KCNH2: variants seen among roughly 807,000 people sequenced by gnomAD.
KCNH2 encodes voltage-gated inwardly rectifying potassium channel KCNH2.
Under a neutral mutation model 95.9 loss-of-function variants are expected in KCNH2, and 35 were observed. The ratio of observed to expected loss-of-function variants is 0.37; its 90% confidence interval spans 0.28 to 0.48. The LOEUF (loss-of-function observed/expected upper bound fraction) is 0.48. Among genes scored for constraint, KCNH2 ranks in the 20% least tolerant of loss-of-function variants. The pLI is 0.99. For synonymous variants in KCNH2, 786 were observed against 754.7 expected (o/e 1.04, Z -0.68); for missense variants, 1,274 against 1,702.9 (o/e 0.75, Z 4.43).
chr7:150,952,660 G>C lies in KCNH2; in HGVS notation c.1322C>G (p.Pro441Arg), dbSNP rs778590052. 1.9e-6 allele frequency: 3 copies of C among 1,614,226 alleles called. No homozygotes were observed. In the South Asian group the frequency reaches 3.3e-5, roughly 18 times the overall value. ...FLLKETEEGP[P>R]ATECGYACQP... ...GCAGGCGTAGCCACACTCGGTAGCA[G>C]GCGGGCCTTCTTCCGTCTCCTTCAG... The change falls in exon 6 of 15, where the codon CCT becomes CGT. Residue 441 changes from proline to arginine, a missense_variant. Pro to Arg is a moderately radical substitution (Grantham distance 103, BLOSUM62 -2). Coordinates refer to ENST00000262186, the MANE Select transcript of KCNH2 (RefSeq NM_000238.4). The surrounding 1 kb of genome is among the most constrained non-coding windows in gnomAD (Gnocchi z 7.3).
intron 2 of KCNH2, among the ~76,000 whole-genome samples, chr7:150,966,663 AT>A (rs1801715168): frequency 1.3e-5 from 2 of 152,112 alleles, no homozygotes; most frequent in South Asian, 4.1e-4. Context: ...AATATAAAGC[AT>A]TTTTCTACAC....
chr7:150,950,144 C>CCGGGGGGGGGGGGGGGGGGG, intron 9 of KCNH2, 24 bp downstream of exon 9: 1 of 1,589,014 alleles, frequency 6.3e-7, no homozygotes, highest in Non-Finnish European at 8.6e-7. Flanking sequence ...ATTTCCAGTC[C>CCGGGGGGGGGGGGGGGGGGG]AGTGCCCGCC....
rs1563161674 is a variant in KCNH2 at position 150,952,874 on chromosome 7, G to A, written c.1129-21C>T. Reference sequence around the variant, plus strand: ...AGGACCTGCACCCGGGGAAGGCGGAGGTGTGGGTGAGGCAGGCCATGGGAC... The same window carrying A: ...AGGACCTGCACCCGGGGAAGGCGGAAGTGTGGGTGAGGCAGGCCATGGGAC... On this transcript the variant is annotated intron_variant, in intron 5 of 14. Coordinates refer to ENST00000262186, the MANE Select transcript of KCNH2 (RefSeq NM_000238.4). The surrounding 1 kb of genome is among the most constrained non-coding windows in gnomAD (Gnocchi z 7.3). The A allele has an allele frequency of 1.2e-6, 2 of 1,610,178 alleles. No individual in the cohort carries two copies. Among genetic ancestry groups the A allele is most frequent in the African/African-American group, 1.3e-5 (1 of 74,880 alleles).
rs530915736 is a variant in KCNH2, at chr7:150,969,334, A to G, written c.307+5377T>C. Among the ~76,000 whole-genome samples, 3 of 152,278 alleles carry G rather than the reference A, an allele frequency of 2.0e-5. No homozygotes were observed. In the South Asian group the frequency reaches 6.2e-4, roughly 32 times the overall value. ...ATGGTTCCCCAGTTTGCAAACTACA[A>G]AGTGCAGTCACAACAATAGAAGTGC... On this transcript the variant is annotated intron_variant, in intron 2 of 14. Coordinates refer to ENST00000262186, the MANE Select transcript of KCNH2 (RefSeq NM_000238.4).
chr7:150,972,783 T>C (rs1317144001), intron 2 of KCNH2, among the ~76,000 whole-genome samples: 2 of 152,208 alleles, frequency 1.3e-5, no homozygotes, highest in Non-Finnish European at 2.9e-5. Flanking sequence ...GCAAGTCGAA[T>C]GGGTTGGATT....
rs1269052351 is a variant in KCNH2 at position 150,961,074 on chromosome 7, C to A, written c.308-1338G>T. 6.6e-6 allele frequency among the ~76,000 whole-genome samples: 1 copy of A among 152,224 alleles called. No individual in the cohort carries two copies. The highest frequency in any genetic ancestry group is 6.5e-5 in the Admixed American group (1 of 15,288). ...ATCTCCCACTCTCCCTAGGGAGCCT[C>A]TTCCTTCCTCTCAGCTCCCCCTCTG... On this transcript the variant is annotated intron_variant, in intron 2 of 14. Coordinates refer to ENST00000262186, the MANE Select transcript of KCNH2 (RefSeq NM_000238.4). The surrounding 1 kb of genome is among the most constrained non-coding windows in gnomAD (Gnocchi z 6.2).
intron 2 of KCNH2, among the ~76,000 whole-genome samples, chr7:150,960,716 T>G (rs747861724): frequency 6.6e-6 from 1 of 152,196 alleles, no homozygotes; most frequent in Non-Finnish European, 1.5e-5. Flanking sequence ...TCACCTCGCC[T>G]CGCGTTCCCC....
intron 9 of KCNH2, chr7:150,949,408 ATTTTTTTT>A: frequency 7.2e-5 from 27 of 375,384 alleles, no homozygotes; most frequent in East Asian, 2.8e-4. Context: ...CAAAACCAGC[ATTTTTTTT>A]TTTTTTTTTT....
intron 2 of KCNH2, among the ~76,000 whole-genome samples, chr7:150,967,548 CAG>C (rs1801737829): frequency 6.6e-6 from 1 of 152,184 alleles, no homozygotes; most frequent in Non-Finnish European, 1.5e-5. Flanking sequence ...CGGAAAAGAA[CAG>C]ACTGTTTACA....
At chr7:150,960,900 G>A (rs1563174662) in intron 2 of KCNH2, among the ~76,000 whole-genome samples, 1 of 150,438 alleles carries the variant, frequency 6.6e-6, no homozygotes, top group Non-Finnish European at 1.5e-5. Flanking sequence ...ATTTCTGAAG[G>A]AGCCCCTTTT....
At chr7:150,976,671 G>A (rs1044398069) in intron 1 of KCNH2, among the ~76,000 whole-genome samples, 1 of 152,086 alleles carries the variant, frequency 6.6e-6, no homozygotes, top group African/African-American at 2.4e-5. Flanking sequence ...GACCCAAAGA[G>A]GGAAGAGTCA....
intron 2 of KCNH2, among the ~76,000 whole-genome samples, chr7:150,968,930 C>T (rs770101468): frequency 2.0e-5 from 3 of 152,206 alleles, no homozygotes; most frequent in African/African-American, 4.8e-5. Context: ...GCTCTGGCAC[C>T]GCACGCTGCT....
rs2116918402 is a variant in KCNH2, at chr7:150,945,547, A to C, written c.3331-33T>G. On this transcript the variant is annotated intron_variant, in intron 14 of 14. Transcript: ENST00000262186. The surrounding 1 kb of genome is among the most constrained non-coding windows in gnomAD (Gnocchi z 5.6). ...ACACACAGAGCATGGGCAGGCGAAG[A>C]GGCCATGGAGGAGGAGGAAGGGGAG... is the stretch of plus-strand genomic sequence containing the variant. 6.4e-7 allele frequency: 1 copy of C among 1,553,754 alleles called. No homozygotes were observed. The highest frequency in any genetic ancestry group is 1.4e-5 in the African/African-American group (1 of 73,324).
At chr7:150,957,742 T>TG (rs1349707081) in intron 4 of KCNH2, among the ~76,000 whole-genome samples, 1 of 152,160 alleles carries the variant, frequency 6.6e-6, no homozygotes, top group Non-Finnish European at 1.5e-5. Flanking sequence ...TCCAGGACGC[T>TG]GGCAGGCAGG....
rs201405651 is a variant in KCNH2, at chr7:150,955,514, G to A, written c.1128+1777C>T. 1.0e-4 allele frequency: 154 copies of A among 1,539,968 alleles called. No homozygotes were observed. In the East Asian group the frequency reaches 3.7e-3, roughly 37 times the overall value. ...GGCTGGGGCCGCCATGGAGGACTTG[G>A]CTCCCTGCAGCCTGCCTGCCCTGGG... On this transcript the variant is annotated intron_variant, in intron 5 of 14. Transcript: ENST00000262186.
chr7:150,950,336 G>C lies in KCNH2; in HGVS notation c.2230C>G (p.Arg744Gly), dbSNP rs189014161. Residue 744 changes from arginine to glycine, a missense_variant, in exon 9 of 15, where the codon CGA (arginine) becomes GGA (glycine). Arg to Gly is a moderately radical substitution (Grantham distance 125). Coordinates refer to ENST00000262186, the MANE Select transcript of KCNH2 (RefSeq NM_000238.4). ...RSLLQHCKPFRGATKGCLRAL... is the reference protein window; with the variant it reads ...RSLLQHCKPFGGATKGCLRAL... ...CGAAGGCAGCCCTTGGTGGCCCCTC[G>C]GAAGGGTTTGCAGTGCTGCAGCAGT... 2.5e-6 allele frequency: 4 copies of C among 1,613,482 alleles called. No individual in the cohort carries two copies. Among genetic ancestry groups the C allele is most frequent in the Admixed American group, 3.3e-5 (2 of 60,020 alleles).
At chr7:150,965,879 G>C (rs1227764966) in intron 2 of KCNH2, among the ~76,000 whole-genome samples, 6 of 152,198 alleles carry the variant, frequency 3.9e-5, no homozygotes, top group Non-Finnish European at 8.8e-5. Context: ...CTCCCTTCCA[G>C]ATCCAGGGGC....
At chr7:150,949,842 G>A (rs2116945787) in intron 9 of KCNH2, 41 of 1,278,148 alleles carry the variant, frequency 3.2e-5, no homozygotes, top group Non-Finnish European at 4.2e-5. Flanking sequence ...CAAATGCCGA[G>A]CTTCCAGGCT....
chr7:150,949,311 C>T (rs1801044084), intron 9 of KCNH2: 2 of 1,383,492 alleles, frequency 1.4e-6, no homozygotes, highest in Admixed American at 3.0e-5. Context: ...CTACCCCAAA[C>T]CCCAGGTCCC....
Sources: gnomAD v4.1 joint callset for allele counts (sites outside exome capture counted in the v4.1 genomes callset) on GRCh38, gnomAD v4.1.1 for gene constraint, Gnocchi (gnomAD v3.1) non-coding constraint, MANE v1.5 for transcripts, NCBI Gene and HGNC (gene_info 2026-07-23, HGNC 2026-07-21) for gene names.